TMEM63A: variants seen among roughly 807,000 people sequenced by gnomAD.
TMEM63A encodes the protein transmembrane protein 63A.
In TMEM63A, 76 loss-of-function variants were observed where a neutral mutation model predicts 100.6. The ratio of observed to expected loss-of-function variants is 0.76; its 90% confidence interval spans 0.63 to 0.91. The LOEUF (loss-of-function observed/expected upper bound fraction) is 0.91, where lower values mean the gene tolerates loss of function less well. Ranked by LOEUF, TMEM63A falls within the 40% of genes least tolerant of loss-of-function variation. The pLI is 0.00. For synonymous variants in TMEM63A, 401 were observed against 401.1 expected, an observed-to-expected ratio of 1.00 and a Z score of 0.00; for missense variants, 876 against 1,008.8, an observed-to-expected ratio of 0.87 and a Z score of 1.78.
Position 225,846,835 on chromosome 1 carries a change from C to T in TMEM63A, c.*104G>A, listed in dbSNP as rs925773866. The T allele has an allele frequency of 5.3e-5, 30 of 560,880 alleles. No homozygotes were observed. The highest frequency in any genetic ancestry group is 4.6e-4 in the African/African-American group (24 of 52,404). The allele number at this position is 560,880 out of a possible 1,614,324, so 34.7% of individuals were successfully genotyped here. A position where few individuals can be genotyped will look rare whatever the true frequency, so the allele number is the denominator to read the frequency against. ...CACTGCTGGGACCAGAAAAGATGGG[C>T]ACCTGATAGCTCAGCTGGGCAGTCC... On this transcript the variant is annotated 3_prime_UTR_variant, in exon 25 of 25. Transcript: ENST00000366835.
At chr1:225,866,995 G>A in intron 8 of TMEM63A, 117 bp downstream of exon 8, 2 of 1,014,144 alleles carry the variant, frequency 2.0e-6, no homozygotes, top group Non-Finnish European at 1.6e-6. Flanking sequence ...TAGCTGCAAG[G>A]GGCCTTCAGA....
At chr1:225,852,596 C>T (rs780891007) in intron 20 of TMEM63A, 68 bp downstream of exon 20, 142 of 1,495,900 alleles carry the variant, frequency 9.5e-5, no homozygotes, top group Non-Finnish European at 1.3e-4. Flanking sequence ...TAGCTGTCCC[C>T]GAGAGGTTTG....
intron 20 of TMEM63A, among the ~76,000 whole-genome samples, chr1:225,851,204 G>GTGCTCCCACACCCCTGGCC (rs1282275698): frequency 2.0e-5 from 3 of 152,050 alleles, no homozygotes; most frequent in African/African-American, 7.2e-5. Flanking sequence ...CTGTATGTCA[G>GTGCTCCCACACCCCTGGCC]TGCTCCCACA....
downstream of TMEM63A, among the ~76,000 whole-genome samples, chr1:225,842,680 A>G (rs564356150): frequency 2.0e-5 from 3 of 152,352 alleles, no homozygotes; most frequent in South Asian, 6.2e-4. Context: ...CTCACAGTGC[A>G]TGGTCAAGAC....
At chr1:225,861,190 C>T (rs751435528) in intron 13 of TMEM63A, 193 bp from the exon 14 acceptor site, 177 of 484,642 alleles carry the variant, frequency 3.7e-4, no homozygotes, top group Non-Finnish European at 5.6e-4. Context: ...GTTTAATCCT[C>T]GCAACCACCA....
downstream of TMEM63A, among the ~76,000 whole-genome samples, chr1:225,842,685 C>T (rs1329463621): frequency 2.0e-5 from 3 of 152,244 alleles, no homozygotes; most frequent in Non-Finnish European, 4.4e-5. Flanking sequence ...AGTGCATGGT[C>T]AAGACTAGGA....
Position 225,867,018 on chromosome 1 carries a change from C to A in TMEM63A, c.566+94G>T. On this transcript the variant is annotated intron_variant, in intron 8 of 24. Coordinates refer to ENST00000366835, the MANE Select transcript of TMEM63A (RefSeq NM_014698.3). The surrounding 1 kb of genome is among the most constrained non-coding windows in gnomAD (Gnocchi z 4.6). ...AGGGGCCTTCAGATACCAGCCGGCC[C>A]CCTTTGGAGTACCTCTGGCCTGCCC... 2 of 1,330,886 alleles carry A rather than the reference C, an allele frequency of 1.5e-6. No homozygotes were observed. The highest frequency in any genetic ancestry group is 1.7e-5 in the Admixed American group (1 of 59,470). The allele number at this position is 1,330,886 out of a possible 1,614,324, so 82.4% of individuals were successfully genotyped here.
At position 225,845,809 on chromosome 1, in the gene TMEM63A, G is replaced by A. The variant is rs1264521223; in HGVS notation, c.*1130C>T. 5 of 245,200 alleles carry A rather than the reference G, an allele frequency of 2.0e-5. No individual in the cohort carries two copies. The highest frequency in any genetic ancestry group is 3.2e-5 in the Non-Finnish European group (4 of 124,958). 15.2% of individuals were successfully genotyped at this position (245,200 alleles called of 1,614,324 possible). A position where few individuals can be genotyped will look rare whatever the true frequency, so the allele number is the denominator to read the frequency against. The stretch of plus-strand genomic sequence containing the variant: ...GCAAGTCAGCGTCAAGAGAGTCCCT[G>A]AGTGAGAAGGCCCAGATAAGCCCAG... On this transcript the variant is annotated 3_prime_UTR_variant, in exon 25 of 25. Transcript: ENST00000366835.
Position 225,862,013 on chromosome 1 carries a change from C to CA in TMEM63A, c.1085+204_1085+205insT. ...AGAATCACCCACTCCGTGGCTGCTG[C>CA]CCACACCCCCACCGCCTGTTACACA... On this transcript the variant is annotated intron_variant, in intron 13 of 24. Coordinates refer to ENST00000366835, the MANE Select transcript of TMEM63A (RefSeq NM_014698.3). This position sits in a 1 kb window ranked among gnomAD's most constrained non-coding sequence, Gnocchi z 5.1. The CA allele has an allele frequency of 1.3e-6, 1 of 778,528 alleles. No homozygotes were observed. Among genetic ancestry groups the CA allele is most frequent in the Non-Finnish European group, 2.0e-6 (1 of 500,218 alleles). The allele number at this position is 778,528 out of a possible 1,614,324, so 48.2% of individuals were successfully genotyped here.
At chr1:225,863,810 G>A (rs922817557) in intron 10 of TMEM63A, 1 of 151,010 alleles carries the variant, frequency 6.6e-6, no homozygotes, top group African/African-American at 2.4e-5. Flanking sequence ...CAGCTACTTG[G>A]GAGGCTGGGG....
Position 225,877,595 on chromosome 1 carries a change from C to A in TMEM63A, c.-14-1G>T. ...GAGTCCATCATCGCGCCTGTCTTCC[C>A]TGGAGCACAGGACAACAGGACAAGG... On this transcript the variant is annotated splice_acceptor_variant, in intron 2 of 24. Coordinates refer to ENST00000366835, the MANE Select transcript of TMEM63A (RefSeq NM_014698.3). LOFTEE classifies it low-confidence loss of function (5UTR_SPLICE). The A allele has an allele frequency of 6.2e-7, 1 of 1,609,974 alleles. No individual in the cohort carries two copies. The highest frequency in any genetic ancestry group is 2.2e-5 in the East Asian group (1 of 44,780).
At chr1:225,856,327 G>GTTTTTTTT (rs71574544) in intron 17 of TMEM63A, among the ~76,000 whole-genome samples, 3 of 108,042 alleles carry the variant, frequency 2.8e-5, no homozygotes, top group South Asian at 3.9e-4. Flanking sequence ...TTTCAAGCTG[G>GTTTTTTTT]TTTTTTTTTT....
At chr1:225,877,305 G>T (rs1428184277) in intron 3 of TMEM63A, 90 bp downstream of exon 3, 44 of 1,428,450 alleles carry the variant, frequency 3.1e-5, no homozygotes, top group Non-Finnish European at 4.1e-5. Flanking sequence ...AGCTATGTCT[G>T]ACTTCTCATC....
downstream of TMEM63A, chr1:225,842,334 G>A (rs201386538): frequency 3.4e-6 from 5 of 1,486,848 alleles, no homozygotes; most frequent in Middle Eastern, 3.4e-4. Flanking sequence ...CCCCAGGCCT[G>A]AGTCTCTCCC....
chr1:225,866,451 G>GC, intron 9 of TMEM63A, 123 bp downstream of exon 9: 1 of 752,972 alleles, frequency 1.3e-6, no homozygotes, highest in African/African-American at 1.8e-5. Flanking sequence ...AGCAAGCGGG[G>GC]CTCCTGAGGC....
intron 21 of TMEM63A, among the ~76,000 whole-genome samples, chr1:225,849,676 T>C (rs890629282): frequency 1.7e-4 from 26 of 152,206 alleles, no homozygotes; most frequent in African/African-American, 6.3e-4. Context: ...GTATCATGTT[T>C]TGATTGGACA....
chr1:225,856,258 C>T (rs1348269297), intron 17 of TMEM63A, among the ~76,000 whole-genome samples: 2 of 151,730 alleles, frequency 1.3e-5, no homozygotes, highest in Admixed American at 6.6e-5. Flanking sequence ...AATCTGCCCA[C>T]CTCGGCCTCC....
chr1:225,867,864 G>A lies in TMEM63A; in HGVS notation c.514+24C>T. ...TGCCACTCTGCCCCATTACAACATA[G>A]ACAAGGGTGAGGAGGGTCATTACCC... On this transcript the variant is annotated intron_variant, in intron 7 of 24. Transcript: ENST00000366835. This position sits in a 1 kb window ranked among gnomAD's most constrained non-coding sequence, Gnocchi z 4.6. 1 of 1,613,922 alleles carries A rather than the reference G, an allele frequency of 6.2e-7. No homozygotes were observed. The highest frequency in any genetic ancestry group is 8.5e-7 in the Non-Finnish European group (1 of 1,179,930).
Position 225,853,842 on chromosome 1 carries a change from AGAG to A in TMEM63A, c.1635-54_1635-52del. The A allele has an allele frequency of 1.3e-6, 2 of 1,510,348 alleles. No individual in the cohort carries two copies. Among genetic ancestry groups the A allele is most frequent in the Non-Finnish European group, 1.8e-6 (2 of 1,128,808 alleles). The allele number at this position is 1,510,348 out of a possible 1,614,324, so 93.6% of individuals were successfully genotyped here. A position where few individuals can be genotyped will look rare whatever the true frequency, so the allele number is the denominator to read the frequency against. The stretch of plus-strand genomic sequence containing the variant: ...TGAGCTGAGAGCCGCTCTTGGAGGG[AGAG>A]GAGGGGCCCCTAGGCTGGGCAGGAG... On this transcript the variant is annotated intron_variant, in intron 18 of 24. Transcript: ENST00000366835. The surrounding 1 kb of genome is among the most constrained non-coding windows in gnomAD (Gnocchi z 4.0).
Sources: allele counts gnomAD v4.1 joint callset (sites outside exome capture counted in the v4.1 genomes callset), GRCh38; gene constraint gnomAD v4.1.1; non-coding constraint Gnocchi (gnomAD v3.1); transcripts MANE v1.5; gene names NCBI Gene and HGNC (gene_info 2026-07-23, HGNC 2026-07-21).